LDB2: variants seen among roughly 807,000 people sequenced by gnomAD.
LDB2 encodes LIM domain binding 2.
Under a neutral mutation model 44.3 loss-of-function variants are expected in LDB2, and 12 were observed. The observed-to-expected ratio is 0.27, with a 90% CI of 0.17 to 0.44. The LOEUF (loss-of-function observed/expected upper bound fraction) is 0.44. Among genes scored for constraint, LDB2 ranks in the 20% least tolerant of loss-of-function variants. The pLI is 1.00. For synonymous variants in LDB2, 164 were observed against 174.8 expected (o/e 0.94, Z 0.49); for missense variants, 344 against 473.5 (o/e 0.73, Z 2.54).
intron 5 of LDB2, among the ~76,000 whole-genome samples, chr4:16,556,663 C>G (rs1457045890): frequency 6.6e-6 from 1 of 152,140 alleles, no homozygotes; most frequent in Admixed American, 6.5e-5. Context: ...GGTGAGAGAC[C>G]TCTAATAAGA....
chr4:16,887,220 GAA>G (rs77393745), intron 1 of LDB2, among the ~76,000 whole-genome samples: 14 of 128,618 alleles, frequency 1.1e-4, no homozygotes, highest in Non-Finnish European at 1.0e-4. Flanking sequence ...GCTAAGACTT[GAA>G]AAAAAAAAAA....
chr4:16,852,003 T>C (rs1309020218), intron 1 of LDB2, among the ~76,000 whole-genome samples: 1 of 152,188 alleles, frequency 6.6e-6, no homozygotes, highest in East Asian at 1.9e-4. Context: ...AAAGAAACAG[T>C]AGTGACCCAG....
chr4:16,652,290 G>A (rs1738503488), intron 2 of LDB2, among the ~76,000 whole-genome samples: 1 of 152,102 alleles, frequency 6.6e-6, no homozygotes, highest in Admixed American at 6.6e-5. Context: ...TATTTTGCAT[G>A]TTAAGGATAC....
At chr4:16,897,898 ATATATATATATAT>A in intron 1 of LDB2, among the ~76,000 whole-genome samples, 1 of 60,498 alleles carries the variant, frequency 1.7e-5, no homozygotes, top group Non-Finnish European at 3.0e-5. Context: ...AAAAGAAAAT[ATATATATATATAT>A]ATATATATAT....
chr4:16,526,393 C>T (rs930052385), intron 5 of LDB2, among the ~76,000 whole-genome samples: 1 of 152,170 alleles, frequency 6.6e-6, no homozygotes, highest in African/African-American at 2.4e-5. Flanking sequence ...GAGAATTACC[C>T]CCTTGGCTTC....
In LDB2 at chr4:16,788,477, A is replaced by T. The variant is rs950079481; in HGVS notation, c.133-29217T>A. ...TGTTCCTGGGAGAGTAATGGGGTAG[A>T]ATCCATTCAAGTGTCTGAGCGAAAC... On this transcript the variant is annotated intron_variant, in intron 1 of 7. Coordinates refer to ENST00000304523, the MANE Select transcript of LDB2 (RefSeq NM_001290.5). Among the ~76,000 whole-genome samples the T allele has an allele frequency of 2.0e-4, 31 of 152,332 alleles. 1 individual carries two copies. Among genetic ancestry groups the T allele is most frequent in the Middle Eastern group, 3.4e-3 (1 of 294 alleles).
At chr4:16,750,162 A>G (rs1267420237) in intron 2 of LDB2, among the ~76,000 whole-genome samples, 1 of 152,214 alleles carries the variant, frequency 6.6e-6, no homozygotes, top group African/African-American at 2.4e-5. Flanking sequence ...ATCTCTTAGA[A>G]AATTCCTGGT....
chr4:16,636,206 G>A (rs1733552676), intron 2 of LDB2, among the ~76,000 whole-genome samples: 1 of 152,192 alleles, frequency 6.6e-6, no homozygotes, highest in South Asian at 2.1e-4. Context: ...TCAGGGAGCT[G>A]CGGTGGCCTG....
chr4:16,547,144 G>A (rs1175543591), intron 5 of LDB2, among the ~76,000 whole-genome samples: 2 of 152,128 alleles, frequency 1.3e-5, no homozygotes, highest in Non-Finnish European at 2.9e-5. Context: ...TATAAGAAGG[G>A]GAGAGGACAA....
intron 2 of LDB2, among the ~76,000 whole-genome samples, chr4:16,754,064 T>C (rs1333675290): frequency 6.6e-6 from 1 of 152,156 alleles, no homozygotes; most frequent in Non-Finnish European, 1.5e-5. Flanking sequence ...AAGGTAGCGT[T>C]TTAGTAGTTA....
At chr4:16,619,518 C>T (rs142716143) in intron 2 of LDB2, among the ~76,000 whole-genome samples, 14 of 152,304 alleles carry the variant, frequency 9.2e-5, no homozygotes, top group Admixed American at 2.6e-4. Flanking sequence ...TGTTAAAATA[C>T]GTTGGAGCAC....
intron 1 of LDB2, among the ~76,000 whole-genome samples, chr4:16,844,187 G>C (rs566974359): frequency 3.9e-4 from 55 of 141,952 alleles, no homozygotes; most frequent in African/African-American, 1.2e-3. Flanking sequence ...AGCCTAGAAG[G>C]TGAAGGCCTG....
intron 2 of LDB2, among the ~76,000 whole-genome samples, chr4:16,623,730 G>T (rs938662658): frequency 6.6e-6 from 1 of 151,736 alleles, no homozygotes; most frequent in Non-Finnish European, 1.5e-5. Flanking sequence ...TAAAATGCAT[G>T]GCTTGAAAGC....
Position 16,515,056 on chromosome 4 carries a change from T to C in LDB2, c.616-2952A>G, listed in dbSNP as rs145002290. On this transcript the variant is annotated intron_variant, in intron 5 of 7. Transcript: ENST00000304523. ...AACCCAAGTGCCCATCAGTGGTGGA[T>C]TGGATAAAGAAAATGTGGTACACAT... Among the ~76,000 whole-genome samples the C allele has an allele frequency of 7.9e-3, 1,198 of 152,254 alleles. 12 individuals are homozygous for C. The highest frequency in any genetic ancestry group is 0.027 in the African/African-American group (1,128 of 41,550).
intron 5 of LDB2, among the ~76,000 whole-genome samples, chr4:16,570,201 T>C (rs916499640): frequency 7.9e-5 from 12 of 152,112 alleles, no homozygotes; most frequent in African/African-American, 2.4e-4. Flanking sequence ...CAGTGACTCA[T>C]GCCTGTAATC....
intron 5 of LDB2, among the ~76,000 whole-genome samples, chr4:16,524,200 A>G (rs1407191092): frequency 6.6e-6 from 1 of 152,176 alleles, no homozygotes. Context: ...GGCACCTTCT[A>G]TATGCTCAGG....
chr4:16,703,960 G>T (rs1047182352), intron 2 of LDB2, among the ~76,000 whole-genome samples: 1 of 152,040 alleles, frequency 6.6e-6, no homozygotes, highest in African/African-American at 2.4e-5. Context: ...TTTCCTTTAG[G>T]GAAAGATTTC....
chr4:16,877,221 T>C (rs1718696297), intron 1 of LDB2, among the ~76,000 whole-genome samples: 1 of 152,230 alleles, frequency 6.6e-6, no homozygotes, highest in African/African-American at 2.4e-5. Context: ...CAACTGGAGC[T>C]TCAAGGGGAT....
intron 5 of LDB2, among the ~76,000 whole-genome samples, chr4:16,542,077 C>T (rs1733972246): frequency 8.3e-6 from 1 of 119,896 alleles, no homozygotes; most frequent in Non-Finnish European, 1.7e-5. Flanking sequence ...CTATAACAAT[C>T]CTCCTTCCAA....
Sources: allele counts gnomAD v4.1 joint callset (sites outside exome capture counted in the v4.1 genomes callset), GRCh38; gene constraint gnomAD v4.1.1; transcripts MANE v1.5; gene names NCBI Gene and HGNC (gene_info 2026-07-23, HGNC 2026-07-21).